RPN1: variants seen among roughly 807,000 people sequenced by gnomAD.
RPN1 encodes the protein ribophorin I.
In RPN1, 12 loss-of-function variants were observed where a neutral mutation model predicts 55.5. The ratio of observed to expected loss-of-function variants is 0.22; its 90% CI spans 0.14 to 0.35. The LOEUF is 0.35. Among genes scored for constraint, RPN1 ranks in the 10% least tolerant of loss-of-function variants. The probability of loss-of-function intolerance (pLI) is 1.00; values close to 1 mark genes in which losing one functional copy is unlikely to be tolerated. For missense variants in RPN1, 679 were observed against 761.3 expected, an observed-to-expected ratio of 0.89 and a Z score of 1.27; for synonymous variants, 317 against 305.9, an observed-to-expected ratio of 1.04 and a Z score of -0.38.
At chr3:128,637,010 G>A (rs1031112745) in intron 3 of RPN1, among the ~76,000 whole-genome samples, 1 of 152,178 alleles carries the variant, frequency 6.6e-6, no homozygotes, top group Non-Finnish European at 1.5e-5. Context: ...ACAAAGGCAG[G>A]AAGATCACCT....
At chr3:128,629,777 T>C (rs2069628436) in intron 5 of RPN1, among the ~76,000 whole-genome samples, 174 bp downstream of exon 5, 1 of 152,194 alleles carries the variant, frequency 6.6e-6, no homozygotes, top group Non-Finnish European at 1.5e-5. Flanking sequence ...CAAATGCATG[T>C]ATTACTTTTA....
At chr3:128,648,237 A>G (rs2069784309) in intron 1 of RPN1, among the ~76,000 whole-genome samples, 1 of 152,174 alleles carries the variant, frequency 6.6e-6, no homozygotes, top group Admixed American at 6.6e-5. Context: ...TACAAAAAAA[A>G]TACAACAATT....
intron 6 of RPN1, among the ~76,000 whole-genome samples, chr3:128,626,235 C>T (rs1293125643): frequency 1.3e-5 from 2 of 152,172 alleles, no homozygotes; most frequent in African/African-American, 4.8e-5. Context: ...GGGGCAACAA[C>T]TGTCCCTCTG....
chr3:128,625,915 A>C lies in RPN1; in HGVS notation c.1234T>G (p.Tyr412Asp). The C allele has an allele frequency of 2.5e-6, 4 of 1,613,704 alleles. No individual in the cohort carries two copies. Among genetic ancestry groups the C allele is most frequent in the Non-Finnish European group, 3.4e-6 (4 of 1,179,810 alleles). The change falls in exon 7 of 10, where the codon TAC (tyrosine) becomes GAC (aspartate). Residue 412 changes from tyrosine to aspartate, a missense_variant. Coordinates refer to ENST00000296255, the MANE Select transcript of RPN1 (RefSeq NM_002950.4). ...TGCTGTTCTACCAGATTTTTCTTGT[A>C]GGCAACAATCACAGGGCGGCCAAAT... ...DTFGRPVIVA[Y>D]KKNLVEQHIQ...
rs1013784564 is a variant in RPN1, at chr3:128,620,396, G to A, written c.*15C>T. On this transcript the variant is annotated 3_prime_UTR_variant, in exon 10 of 10. Transcript: ENST00000296255. ...GTGCAGGCACCCTGGGCCCCCTGGA[G>A]GATGCGGGCAGGGGCTACAGGGCAT... 2.5e-6 allele frequency: 4 copies of A among 1,602,646 alleles called. No individual in the cohort carries two copies. The highest frequency in any genetic ancestry group is 2.2e-5 in the South Asian group (2 of 90,148).
rs758271882 is a variant in RPN1 at position 128,637,969 on chromosome 3, C to T, written c.463G>A (p.Val155Met). The T allele has an allele frequency of 1.5e-5, 24 of 1,614,088 alleles. No individual in the cohort carries two copies. Among genetic ancestry groups the T allele is most frequent in the East Asian group, 4.5e-5 (2 of 44,902 alleles). The change falls in exon 3 of 10, where the codon GTG becomes ATG. Residue 155 changes from valine (V) to methionine (M), a missense_variant. Coordinates refer to ENST00000296255, the MANE Select transcript of RPN1 (RefSeq NM_002950.4). ...QITQSEKQFV[V>M]FEGNHYFYSP... ...TAGAAATAATGGTTCCCCTCAAACA[C>T]CACAAACTGTTTCTCTGACTGGGTG...
chr3:128,620,028 A>AC lies in RPN1; in HGVS notation c.*382_*383insG. ...TCACACACGCTTTAAAAAAAAAAAAAAAAACACATGCACTCACACAATACC... is the reference window on the plus strand; with the variant it reads ...TCACACACGCTTTAAAAAAAAAAAAACAAAACACATGCACTCACACAATACC... On this transcript the variant is annotated 3_prime_UTR_variant, in exon 10 of 10. Transcript: ENST00000296255. 1 of 225,926 alleles carries AC rather than the reference A, an allele frequency of 4.4e-6. No homozygotes were observed. The highest frequency in any genetic ancestry group is 1.8e-4 in the South Asian group (1 of 5,502). The allele number at this position is 225,926 out of a possible 1,614,324, so 14.0% of individuals were successfully genotyped here. A position where few individuals can be genotyped will look rare whatever the true frequency, so the allele number is the denominator to read the frequency against.
chr3:128,632,296 TA>T, intron 3 of RPN1, 139 bp from the exon 4 acceptor site: 1 of 690,224 alleles, frequency 1.4e-6, no homozygotes, highest in Non-Finnish European at 2.4e-6. Flanking sequence ...TGCAACATTT[TA>T]AAATTATGTT....
intron 2 of RPN1, chr3:128,644,516 C>A: frequency 2.6e-6 from 1 of 387,758 alleles, no homozygotes; most frequent in South Asian, 2.0e-5. Flanking sequence ...ACATATTAGC[C>A]AAGTGTGGTG....
intron 1 of RPN1, among the ~76,000 whole-genome samples, chr3:128,647,679 A>C (rs937028016): frequency 2.0e-5 from 3 of 150,666 alleles, no homozygotes; most frequent in African/African-American, 7.3e-5. Context: ...GAACAGATTG[A>C]GAACTTGCCT....
At chr3:128,635,612 GAT>G (rs112246211) in intron 3 of RPN1, among the ~76,000 whole-genome samples, 25,806 of 125,454 alleles carry the variant, frequency 0.21, 2,814 homozygotes, top group Admixed American at 0.22. Flanking sequence ...TATAACTTGA[GAT>G]ATATATATAT....
intron 5 of RPN1, 68 bp from the exon 6 acceptor site, chr3:128,626,900 A>G: frequency 1.4e-6 from 2 of 1,379,790 alleles, no homozygotes; most frequent in East Asian, 2.3e-5. Context: ...AGAAAGAAGT[A>G]CAGGGGCTCA....
chr3:128,626,864 T>C (rs755390910), intron 5 of RPN1, 32 bp from the exon 6 acceptor site: 12 of 1,588,286 alleles, frequency 7.6e-6, no homozygotes, highest in Non-Finnish European at 1.0e-5. Flanking sequence ...AGCAATGATG[T>C]GGAAAACGGA....
chr3:128,641,429 A>G (rs2069723990), intron 2 of RPN1, among the ~76,000 whole-genome samples: 1 of 152,102 alleles, frequency 6.6e-6, no homozygotes, highest in Admixed American at 6.6e-5. Context: ...TCTGAGCAAG[A>G]GCCACTCTGA....
Position 128,625,991 on chromosome 3 carries a change from G to A in RPN1, c.1158C>T (p.Pro386=), listed in dbSNP as rs780444170. 6.2e-7 allele frequency: 1 copy of A among 1,606,344 alleles called. No individual in the cohort carries two copies. Among genetic ancestry groups the A allele is most frequent in the Admixed American group, 1.7e-5 (1 of 57,764 alleles). ...EGAKNIEIDS[P]YEISRAPDEL... ...CATCTGGGGCACGGCTGATTTCATA[G>A]GGACTATCAATTTCAATGTTCCTGG... The change falls in exon 7 of 10, where the codon CCC becomes CCT. Residue 386 remains proline (P), a synonymous_variant. Transcript: ENST00000296255.
intron 3 of RPN1, 74 bp downstream of exon 3, chr3:128,637,725 C>A: frequency 6.1e-6 from 9 of 1,482,324 alleles, no homozygotes; most frequent in Non-Finnish European, 8.3e-6. Context: ...CCACCCAAGC[C>A]TATCAACCAG....
chr3:128,641,609 CTTTTTTTTTTT>C (rs200507415), intron 2 of RPN1, among the ~76,000 whole-genome samples: 1 of 120,400 alleles, frequency 8.3e-6, no homozygotes, highest in Non-Finnish European at 1.7e-5. Flanking sequence ...TTTAGTGAAT[CTTTTTTTTTTT>C]TTTTTTTTTT....
intron 3 of RPN1, among the ~76,000 whole-genome samples, chr3:128,636,581 A>G (rs1467051859): frequency 6.6e-6 from 1 of 152,100 alleles, no homozygotes; most frequent in Non-Finnish European, 1.5e-5. Flanking sequence ...ACACAGAGAG[A>G]TGCAAAGACA....
chr3:128,641,636 G>A (rs1230617344), intron 2 of RPN1, among the ~76,000 whole-genome samples: 11 of 126,908 alleles, frequency 8.7e-5, no homozygotes, highest in Admixed American at 2.6e-4. Context: ...TTTTTGACAC[G>A]GAGTTTTGCT....
Sources: gnomAD v4.1 joint callset for allele counts (sites outside exome capture counted in the v4.1 genomes callset) on GRCh38, gnomAD v4.1.1 for gene constraint, MANE v1.5 for transcripts, NCBI Gene and HGNC (gene_info 2026-07-23, HGNC 2026-07-21) for gene names.